Variants in PLEKHA5 observed in about 807,000 individuals in gnomAD.
PLEKHA5 encodes the protein pleckstrin homology domain containing A5, also known as pleckstrin homology domain-containing family A member 5.
PLEKHA5 carries 55 observed loss-of-function variants against 181.9 expected under a neutral mutation model. That is an observed-to-expected ratio of 0.30 (90% CI 0.24 to 0.38). PLEKHA5 has a LOEUF of 0.38. Ranked by LOEUF, PLEKHA5 falls within the 10% of genes least tolerant of loss-of-function variation. The probability of loss-of-function intolerance (pLI) is 1.00; values close to 1 mark genes in which losing one functional copy is unlikely to be tolerated. For missense variants in PLEKHA5, 1,432 were observed against 1,549.5 expected (o/e 0.92, Z 1.27); for synonymous variants, 535 against 529.4 (o/e 1.01, Z -0.15).
chr12:19,230,141 C>A (rs939177449), intron 3 of PLEKHA5, among the ~76,000 whole-genome samples: 2 of 151,976 alleles, frequency 1.3e-5, no homozygotes, highest in Admixed American at 1.3e-4. Flanking sequence ...CATAAGGGTT[C>A]TCCAGGTCCC....
At chr12:19,357,301 T>C (rs561126733) in intron 26 of PLEKHA5, among the ~76,000 whole-genome samples, 52 of 150,558 alleles carry the variant, frequency 3.5e-4, no homozygotes, top group African/African-American at 1.2e-3. Flanking sequence ...ATTGCCCAGG[T>C]TGGCACAATC....
chr12:19,206,628 G>A (rs568110017), intron 3 of PLEKHA5, among the ~76,000 whole-genome samples: 3 of 152,176 alleles, frequency 2.0e-5, no homozygotes, highest in East Asian at 3.9e-4. Context: ...ACCTTCAAAT[G>A]CCAGGCAATT....
intron 6 of PLEKHA5, 75 bp downstream of exon 6, chr12:19,257,612 A>G: frequency 1.3e-6 from 1 of 789,648 alleles, no homozygotes. Context: ...ACCTAAGACA[A>G]TTCTATAAAA....
At chr12:19,358,806 T>C (rs950664729) in intron 27 of PLEKHA5, among the ~76,000 whole-genome samples, 6 of 152,206 alleles carry the variant, frequency 3.9e-5, no homozygotes, top group Middle Eastern at 3.2e-3. Flanking sequence ...CAATAAAATA[T>C]GTATTGCTCT....
chr12:19,217,627 A>C (rs1467497448), intron 3 of PLEKHA5, among the ~76,000 whole-genome samples: 1 of 152,178 alleles, frequency 6.6e-6, no homozygotes, highest in Non-Finnish European at 1.5e-5. Flanking sequence ...GGTCAGAGCT[A>C]AGGAGAATTC....
intron 11 of PLEKHA5, among the ~76,000 whole-genome samples, chr12:19,279,652 T>A: frequency 6.8e-6 from 1 of 147,364 alleles, no homozygotes; most frequent in South Asian, 2.2e-4. Flanking sequence ...AGAGTGAGAC[T>A]CCATCTCAAA....
chr12:19,230,808 G>A (rs1299701036), intron 3 of PLEKHA5, among the ~76,000 whole-genome samples: 1 of 152,160 alleles, frequency 6.6e-6, no homozygotes, highest in South Asian at 2.1e-4. Context: ...CTCCCACAGT[G>A]CAGTGGCAAG....
At chr12:19,260,157 T>C (rs10743311) in intron 6 of PLEKHA5, among the ~76,000 whole-genome samples, 81,526 of 152,012 alleles carry the variant, frequency 0.54, 25,750 homozygotes, top group Non-Finnish European at 0.72. Context: ...ACTATAGGTG[T>C]AAGAAAAAAA....
At chr12:19,307,059 G>C (rs907653303) in intron 15 of PLEKHA5, 3 of 1,400,052 alleles carry the variant, frequency 2.1e-6, no homozygotes, top group South Asian at 2.3e-5. Context: ...GAGCAAACTT[G>C]AACTCAATCT....
At chr12:19,345,818 A>T in intron 22 of PLEKHA5, 24 bp from the exon 23 acceptor site, 2 of 1,166,004 alleles carry the variant, frequency 1.7e-6, no homozygotes, top group South Asian at 1.3e-5. Context: ...TGTTTAATAT[A>T]GTTACGTTTT....
intron 3 of PLEKHA5, among the ~76,000 whole-genome samples, chr12:19,162,492 T>G (rs1387299711): frequency 1.3e-5 from 2 of 151,882 alleles, no homozygotes; most frequent in Non-Finnish European, 2.9e-5. Context: ...CTTGTACCCT[T>G]TAAAAAAGAC....
rs959229761 is a variant in PLEKHA5, at chr12:19,375,586, G to T, written c.*67G>T. The T allele has an allele frequency of 6.6e-6, 1 of 152,572 alleles. No homozygotes were observed. Among genetic ancestry groups the T allele is most frequent in the African/African-American group, 2.4e-5 (1 of 41,426 alleles). 9.5% of individuals were successfully genotyped at this position (152,572 alleles called of 1,614,324 possible). On this transcript the variant is annotated 3_prime_UTR_variant, in exon 32 of 32. Transcript: ENST00000429027. ...GCTAAAGACATGGACCTTCAGCAGT[G>T]TAAGAAGATATTGTACAGTATATTT... is the stretch of plus-strand genomic sequence containing the variant.
chr12:19,221,699 AC>A (rs2058964492), intron 3 of PLEKHA5, among the ~76,000 whole-genome samples: 1 of 152,166 alleles, frequency 6.6e-6, no homozygotes, highest in Non-Finnish European at 1.5e-5. Flanking sequence ...CAAATGTATG[AC>A]ACAACCTCAC....
chr12:19,129,856 G>C lies in PLEKHA5; in HGVS notation c.57G>C (p.Gly19=), dbSNP rs772794349. ...CCCTGCCCCGGTCCTGGACTTACGGGATCACCAGGGGCGGCCGAGTCTTCT... is the reference window on the plus strand; with the variant it reads ...CCCTGCCCCGGTCCTGGACTTACGGCATCACCAGGGGCGGCCGAGTCTTCT... ...WISLPRSWTY[G]ITRGGRVFFI... The change falls in exon 1 of 32, where the codon GGG becomes GGC. Residue 19 remains glycine (G), a synonymous_variant. Transcript: ENST00000429027. 2.5e-6 allele frequency: 4 copies of C among 1,607,062 alleles called. No individual in the cohort carries two copies. Among genetic ancestry groups the C allele is most frequent in the South Asian group, 2.2e-5 (2 of 90,472 alleles).
intron 8 of PLEKHA5, among the ~76,000 whole-genome samples, chr12:19,266,288 T>C (rs866223355): frequency 1.3e-5 from 2 of 150,930 alleles, no homozygotes; most frequent in African/African-American, 4.9e-5. Flanking sequence ...GGGAATATAG[T>C]GAGACCCTGT....
intron 3 of PLEKHA5, among the ~76,000 whole-genome samples, chr12:19,208,942 A>G (rs545242572): frequency 6.6e-6 from 1 of 152,330 alleles, no homozygotes; most frequent in South Asian, 2.1e-4. Context: ...ATAAAGTACT[A>G]GAAATTGAAT....
At chr12:19,169,587 A>G (rs1474877617) in intron 3 of PLEKHA5, among the ~76,000 whole-genome samples, 1 of 152,236 alleles carries the variant, frequency 6.6e-6, no homozygotes, top group Non-Finnish European at 1.5e-5. Context: ...CCAAATTTCA[A>G]ATGCATTAAA....
intron 3 of PLEKHA5, among the ~76,000 whole-genome samples, chr12:19,181,612 T>A: frequency 6.6e-6 from 1 of 152,012 alleles, no homozygotes; most frequent in East Asian, 1.9e-4. Flanking sequence ...CCGTCTCTAC[T>A]AAAAATACAA....
intron 8 of PLEKHA5, among the ~76,000 whole-genome samples, chr12:19,266,746 T>C (rs1365546456): frequency 2.6e-5 from 4 of 152,134 alleles, no homozygotes; most frequent in Non-Finnish European, 5.9e-5. Context: ...ATTGCACCAC[T>C]GTACTCCAGC....
Sources: gnomAD v4.1 joint callset for allele counts (sites outside exome capture counted in the v4.1 genomes callset) on GRCh38, gnomAD v4.1.1 for gene constraint, MANE v1.5 for transcripts, NCBI Gene and HGNC (gene_info 2026-07-23, HGNC 2026-07-21) for gene names.